The following THSD4 variants were observed in gnomAD, a reference collection of about 807,000 sequenced individuals.
THSD4 encodes the protein thrombospondin type 1 domain containing 4, also known as thrombospondin type-1 domain-containing protein 4.
THSD4 carries 69 observed loss-of-function variants against 119.0 expected under a neutral mutation model. That is an observed-to-expected ratio of 0.58 (90% CI 0.48 to 0.71). THSD4 has a LOEUF of 0.71. Among genes scored for constraint, THSD4 ranks in the 30% least tolerant of loss-of-function variants. The pLI is 0.00. For synonymous variants in THSD4, 524 were observed against 540.4 expected, an observed-to-expected ratio of 0.97 and a Z score of 0.42; for missense variants, 1,393 against 1,391.1, an observed-to-expected ratio of 1.00 and a Z score of -0.02.
chr15:71,558,592 C>A (rs906334989), intron 7 of THSD4, among the ~76,000 whole-genome samples: 2 of 152,096 alleles, frequency 1.3e-5, no homozygotes, highest in African/African-American at 2.4e-5. Context: ...CCTCAGCTTC[C>A]CCAGTAGCTG....
At chr15:71,469,283 G>A (rs2047540380) in intron 7 of THSD4, among the ~76,000 whole-genome samples, 1 of 152,150 alleles carries the variant, frequency 6.6e-6, no homozygotes, top group African/African-American at 2.4e-5. Context: ...TGGTTGTCAT[G>A]GCTTTGTCCT....
chr15:71,122,418 C>T (rs912141429), intron 1 of THSD4, among the ~76,000 whole-genome samples: 1 of 152,070 alleles, frequency 6.6e-6, no homozygotes, highest in Admixed American at 6.5e-5. Flanking sequence ...CAAATACTGG[C>T]GGTGGGGCCG....
intron 3 of THSD4, among the ~76,000 whole-genome samples, chr15:71,194,741 A>G (rs1193097945): frequency 6.6e-6 from 1 of 152,188 alleles, no homozygotes; most frequent in Non-Finnish European, 1.5e-5. Context: ...TGGCTTCTGG[A>G]CACCAGCTGT....
chr15:71,459,820 T>A (rs1463415886), intron 7 of THSD4, among the ~76,000 whole-genome samples: 1 of 152,212 alleles, frequency 6.6e-6, no homozygotes, highest in Non-Finnish European at 1.5e-5. Flanking sequence ...AGAGAGTGGG[T>A]TAATACGTTC....
intron 7 of THSD4, among the ~76,000 whole-genome samples, chr15:71,459,420 C>G (rs55766530): frequency 0.15 from 22,937 of 150,494 alleles, 2,195 homozygotes; most frequent in East Asian, 0.29. Context: ...CTCTCTCTCT[C>G]TCTCGTCAAC....
rs376936704 is a variant in THSD4, at chr15:71,171,831, A to T, written c.99+16899A>T. ...GAAATTAAAGAAGTCATAAATAAGT[A>T]TAAAGACATGCCATGTTCATGAATT... On this transcript the variant is annotated intron_variant, in intron 3 of 17. Transcript: ENST00000261862. Among the ~76,000 whole-genome samples the T allele has an allele frequency of 1.2e-4, 18 of 152,358 alleles. 1 individual carries two copies. In the East Asian group the frequency reaches 1.9e-3, roughly 16 times the overall value.
At chr15:71,296,825 T>A (rs948844862) in intron 6 of THSD4, among the ~76,000 whole-genome samples, 1 of 152,202 alleles carries the variant, frequency 6.6e-6, no homozygotes, top group Non-Finnish European at 1.5e-5. Context: ...ATCCCGACCC[T>A]GCCATTTATT....
intron 6 of THSD4, among the ~76,000 whole-genome samples, chr15:71,266,835 ATT>A (rs2044470352): frequency 6.6e-6 from 1 of 151,924 alleles, no homozygotes; most frequent in Non-Finnish European, 1.5e-5. Context: ...CAATAGCTGA[ATT>A]GATCAAGCAG....
intron 7 of THSD4, among the ~76,000 whole-genome samples, chr15:71,612,133 C>A (rs1222226749): frequency 2.0e-5 from 3 of 152,186 alleles, no homozygotes; most frequent in Non-Finnish European, 4.4e-5. Context: ...ACTTGGGAAA[C>A]ACTAGCTGTG....
At chr15:71,112,054 C>T (rs771587682), upstream of THSD4, 19 of 1,577,766 alleles carry the variant, frequency 1.2e-5, 1 homozygote, top group African/African-American at 5.4e-5. Flanking sequence ...TCTGTTCACA[C>T]GTTGCTCTTA....
chr15:71,164,567 T>C (rs2043274018), intron 3 of THSD4, among the ~76,000 whole-genome samples: 1 of 152,126 alleles, frequency 6.6e-6, no homozygotes, highest in Non-Finnish European at 1.5e-5. Context: ...GCAAGGTTAG[T>C]GGCTATTGAA....
chr15:71,468,856 T>A (rs2047534977), intron 7 of THSD4, among the ~76,000 whole-genome samples: 2 of 152,226 alleles, frequency 1.3e-5, no homozygotes, highest in South Asian at 4.1e-4. Flanking sequence ...GCCCTCCCTT[T>A]AAGAATATCC....
chr15:71,643,161 G>A (rs2050899122), intron 7 of THSD4, among the ~76,000 whole-genome samples: 1 of 152,000 alleles, frequency 6.6e-6, no homozygotes, highest in South Asian at 2.1e-4. Flanking sequence ...AAGTGCCCAT[G>A]CATATGCTAA....
intron 7 of THSD4, among the ~76,000 whole-genome samples, chr15:71,578,004 G>A (rs1212542175): frequency 7.3e-5 from 11 of 151,640 alleles, no homozygotes; most frequent in Admixed American, 6.6e-4. Context: ...TTTCCTGTGT[G>A]CCTCCACTGT....
At chr15:71,574,149 T>C (rs915793780) in intron 7 of THSD4, among the ~76,000 whole-genome samples, 5 of 152,236 alleles carry the variant, frequency 3.3e-5, no homozygotes, top group African/African-American at 1.2e-4. Flanking sequence ...TGTATTGTAG[T>C]GTCTGATGGT....
intron 6 of THSD4, among the ~76,000 whole-genome samples, chr15:71,394,503 C>T (rs2046419374): frequency 6.6e-6 from 1 of 152,136 alleles, no homozygotes; most frequent in African/African-American, 2.4e-5. Flanking sequence ...GATCTCTTGA[C>T]TTGGTGATCC....
intron 17 of THSD4, among the ~76,000 whole-genome samples, chr15:71,775,724 T>A (rs1268871021): frequency 6.6e-6 from 1 of 151,714 alleles, no homozygotes; most frequent in African/African-American, 2.4e-5. Context: ...AAAAATAAAA[T>A]AAATAAAATA....
intron 3 of THSD4, among the ~76,000 whole-genome samples, chr15:71,207,317 C>G (rs1441640009): frequency 6.6e-6 from 1 of 152,204 alleles, no homozygotes; most frequent in Non-Finnish European, 1.5e-5. Flanking sequence ...TGTAGTTACT[C>G]TGGCTGTGGT....
At chr15:71,227,236 G>T (rs2044024791) in intron 4 of THSD4, among the ~76,000 whole-genome samples, 1 of 152,166 alleles carries the variant, frequency 6.6e-6, no homozygotes, top group South Asian at 2.1e-4. Flanking sequence ...TATTTCATTA[G>T]TTATCAGAAC....
Sources: allele counts gnomAD v4.1 joint callset (sites outside exome capture counted in the v4.1 genomes callset), GRCh38; gene constraint gnomAD v4.1.1; transcripts MANE v1.5; gene names NCBI Gene and HGNC (gene_info 2026-07-23, HGNC 2026-07-21).